Variants in SCAI observed in about 807,000 individuals in gnomAD.
SCAI encodes protein SCAI.
SCAI carries 24 observed loss-of-function variants against 92.2 expected under a neutral mutation model. The ratio of observed to expected loss-of-function variants is 0.26; its 90% CI spans 0.19 to 0.37. The LOEUF (loss-of-function observed/expected upper bound fraction) is 0.37, where lower values mean the gene tolerates loss of function less well. Among genes scored for constraint, SCAI ranks in the 10% least tolerant of loss-of-function variants. The probability of loss-of-function intolerance (pLI) is 1.00; values close to 1 mark genes in which losing one functional copy is unlikely to be tolerated. For synonymous variants in SCAI, 261 were observed against 258.6 expected, an observed-to-expected ratio of 1.01 and a Z score of -0.09; for missense variants, 450 against 736.2, an observed-to-expected ratio of 0.61 and a Z score of 4.50.
chr9:124,983,103 G>A (rs1831920136), intron 14 of SCAI, among the ~76,000 whole-genome samples: 1 of 151,006 alleles, frequency 6.6e-6, no homozygotes. Context: ...AGTGAGCTAT[G>A]ACTGTACCAC....
chr9:124,971,340 A>G, intron 17 of SCAI, 30 bp downstream of exon 17: 1 of 1,286,342 alleles, frequency 7.8e-7, no homozygotes, highest in African/African-American at 1.5e-5. Context: ...AAAATGATAA[A>G]ATTCGTCTTT....
At position 124,971,950 on chromosome 9, in the gene SCAI, T is replaced by A. The variant is rs2131588829; in HGVS notation, c.1400-106A>T. 3 of 557,032 alleles carry A rather than the reference T, an allele frequency of 5.4e-6. No individual in the cohort carries two copies. In the East Asian group the frequency reaches 1.0e-4, roughly 19 times the overall value. The allele number at this position is 557,032 out of a possible 1,614,324, so 34.5% of individuals were successfully genotyped here. A position where few individuals can be genotyped will look rare whatever the true frequency, so the allele number is the denominator to read the frequency against. On this transcript the variant is annotated intron_variant, in intron 15 of 17. Transcript: ENST00000336505. Reference sequence around the variant, plus strand: ...CTGATAATATATAAAATTAAAGCTATCTCATTAAATCATAATTCATCAAAG... The same window carrying A: ...CTGATAATATATAAAATTAAAGCTAACTCATTAAATCATAATTCATCAAAG...
intron 3 of SCAI, among the ~76,000 whole-genome samples, chr9:125,034,174 G>C (rs895358623): frequency 2.0e-5 from 3 of 152,200 alleles, no homozygotes; most frequent in African/African-American, 7.2e-5. Flanking sequence ...ATACACATCT[G>C]TGCTCACTCT....
intron 2 of SCAI, 192 bp downstream of exon 2, chr9:125,142,441 G>GAA: frequency 4.7e-6 from 2 of 428,424 alleles, no homozygotes; most frequent in South Asian, 3.6e-5. Flanking sequence ...TAGATACCAA[G>GAA]AAAAAAAAAA....
At position 124,976,021 on chromosome 9, in the gene SCAI, T is replaced by A. The variant is rs557772183; in HGVS notation, c.1399+93A>T. 3 of 811,816 alleles carry A rather than the reference T, an allele frequency of 3.7e-6. No homozygotes were observed. The South Asian group carries it at 4.5e-5, about 12-fold the overall frequency. The allele number at this position is 811,816 out of a possible 1,614,324, so 50.3% of individuals were successfully genotyped here. A position where few individuals can be genotyped will look rare whatever the true frequency, so the allele number is the denominator to read the frequency against. On this transcript the variant is annotated intron_variant, in intron 15 of 17. Transcript: ENST00000336505. ...AACACCATAAATCCACACGCGATCA[T>A]TATGGGAGGAAAAAACAAAGATCAG...
chr9:124,983,807 T>C (rs1345282082), intron 14 of SCAI, among the ~76,000 whole-genome samples: 1 of 152,262 alleles, frequency 6.6e-6, no homozygotes, highest in African/African-American at 2.4e-5. Flanking sequence ...TTACAGTCCA[T>C]TGTTTTACAT....
Position 125,143,506 on chromosome 9 carries a change from G to C in SCAI, c.-69C>G, listed in dbSNP as rs976947749. Reference sequence around the variant, plus strand: ...GCTCGCTCGGGAAGCTGAGGCGGCGGAGGCTGGAGTAGGCGGAGAGGCGGG... The same window carrying C: ...GCTCGCTCGGGAAGCTGAGGCGGCGCAGGCTGGAGTAGGCGGAGAGGCGGG... On this transcript the variant is annotated 5_prime_UTR_variant, in exon 1 of 18. Coordinates refer to ENST00000336505, the MANE Select transcript of SCAI (RefSeq NM_001144877.3). 1.5e-5 allele frequency: 19 copies of C among 1,275,170 alleles called. No homozygotes were observed. Among genetic ancestry groups the C allele is most frequent in the Non-Finnish European group, 1.9e-5 (19 of 1,000,480 alleles). 79.0% of individuals were successfully genotyped at this position (1,275,170 alleles called of 1,614,324 possible). A position where few individuals can be genotyped will look rare whatever the true frequency, so the allele number is the denominator to read the frequency against.
intron 17 of SCAI, among the ~76,000 whole-genome samples, chr9:124,961,343 C>T (rs776681877): frequency 5.9e-5 from 9 of 151,466 alleles, no homozygotes; most frequent in Non-Finnish European, 1.3e-4. Flanking sequence ...CAATTTACTT[C>T]AAAATGCATT....
intron 2 of SCAI, among the ~76,000 whole-genome samples, chr9:125,066,834 T>G (rs1833881415): frequency 6.6e-6 from 1 of 152,178 alleles, no homozygotes; most frequent in African/African-American, 2.4e-5. Context: ...ACCATTTCTA[T>G]GTTTAGATAT....
At chr9:125,101,806 C>T (rs1271879974) in intron 2 of SCAI, among the ~76,000 whole-genome samples, 1 of 152,162 alleles carries the variant, frequency 6.6e-6, no homozygotes, top group Admixed American at 6.5e-5. Context: ...TGTTTGTTAA[C>T]AGTTGCTATG....
At chr9:124,996,024 G>A (rs1303049799) in intron 13 of SCAI, among the ~76,000 whole-genome samples, 1 of 152,032 alleles carries the variant, frequency 6.6e-6, no homozygotes, top group Non-Finnish European at 1.5e-5. Context: ...ATGTTTCACT[G>A]AGCAATATCA....
chr9:125,082,564 G>A (rs1258930162), intron 2 of SCAI, among the ~76,000 whole-genome samples: 1 of 152,200 alleles, frequency 6.6e-6, no homozygotes, highest in Non-Finnish European at 1.5e-5. Context: ...AAAATCTGTA[G>A]AAACTCAATG....
intron 9 of SCAI, among the ~76,000 whole-genome samples, chr9:125,013,325 C>T (rs1473883225): frequency 1.3e-5 from 2 of 151,902 alleles, no homozygotes; most frequent in East Asian, 3.9e-4. Flanking sequence ...CAAATAGACG[C>T]AATAAAAAAT....
At chr9:125,143,363 G>T in intron 1 of SCAI, 22 bp downstream of exon 1, 1 of 932,052 alleles carries the variant, frequency 1.1e-6, no homozygotes, top group Non-Finnish European at 1.3e-6. Flanking sequence ...CCCCAACCCC[G>T]GCCTCCACCC....
At chr9:125,055,401 AC>A (rs1232218874) in intron 3 of SCAI, among the ~76,000 whole-genome samples, 3 of 152,010 alleles carry the variant, frequency 2.0e-5, no homozygotes, top group Non-Finnish European at 4.4e-5. Flanking sequence ...CCCACCCCCC[AC>A]CATCACCACC....
At chr9:125,026,597 T>A (rs566385840) in intron 6 of SCAI, among the ~76,000 whole-genome samples, 1 of 152,194 alleles carries the variant, frequency 6.6e-6, no homozygotes, top group South Asian at 2.1e-4. Context: ...CAACCCTCCT[T>A]TGGCATTGTG....
At chr9:125,088,753 C>T (rs1237127978) in intron 2 of SCAI, among the ~76,000 whole-genome samples, 2 of 152,160 alleles carry the variant, frequency 1.3e-5, no homozygotes, top group African/African-American at 4.8e-5. Context: ...TCTAGGATTA[C>T]AGGCATGAAC....
intron 2 of SCAI, among the ~76,000 whole-genome samples, chr9:125,088,690 C>T (rs1056053568): frequency 1.3e-5 from 2 of 152,196 alleles, no homozygotes; most frequent in African/African-American, 4.8e-5. Flanking sequence ...TTTGCCCATG[C>T]TGGTCTTGAA....
intron 2 of SCAI, among the ~76,000 whole-genome samples, chr9:125,119,135 G>A (rs1472667154): frequency 6.6e-6 from 1 of 152,196 alleles, no homozygotes; most frequent in Admixed American, 6.5e-5. Flanking sequence ...ACAAGACCAA[G>A]ATCCCATCTC....
Sources: allele counts gnomAD v4.1 joint callset (sites outside exome capture counted in the v4.1 genomes callset), GRCh38; gene constraint gnomAD v4.1.1; transcripts MANE v1.5; gene names NCBI Gene and HGNC (gene_info 2026-07-23, HGNC 2026-07-21).